Variants in NIBAN1 observed in about 807,000 individuals in gnomAD.
The protein encoded by NIBAN1 is protein Niban 1.
In NIBAN1, 81 loss-of-function variants were observed where a neutral mutation model predicts 75.1. The ratio of observed to expected loss-of-function variants is 1.08; its 90% CI spans 0.90 to 1.30. The LOEUF is 1.30. Among genes scored for constraint, NIBAN1 ranks in the 50% most tolerant of loss-of-function variants. NIBAN1 has a pLI of 0.00. For missense variants in NIBAN1, 1,133 were observed against 1,128.1 expected (o/e 1.00, Z -0.06); for synonymous variants, 436 against 424.8 (o/e 1.03, Z -0.32).
chr1:184,829,115 A>G (rs1489030212), intron 6 of NIBAN1, among the ~76,000 whole-genome samples: 2 of 152,126 alleles, frequency 1.3e-5, no homozygotes, highest in Admixed American at 6.6e-5. Flanking sequence ...GAAACTTCTT[A>G]GTGGGACACT....
At chr1:184,943,285 G>A (rs1233429560) in intron 1 of NIBAN1, among the ~76,000 whole-genome samples, 1 of 152,116 alleles carries the variant, frequency 6.6e-6, no homozygotes, top group Admixed American at 6.5e-5. Flanking sequence ...GGAAAAACAA[G>A]GGGTTTAGCC....
intron 1 of NIBAN1, among the ~76,000 whole-genome samples, chr1:184,955,650 C>T (rs200307541): frequency 6.6e-6 from 1 of 152,094 alleles, no homozygotes; most frequent in East Asian, 1.9e-4. Context: ...ACTTTTCTTA[C>T]ATAAAGAATA....
intron 1 of NIBAN1, among the ~76,000 whole-genome samples, chr1:184,911,490 C>A (rs941406511): frequency 2.6e-5 from 4 of 152,194 alleles, no homozygotes; most frequent in Admixed American, 6.5e-5. Flanking sequence ...TGAGTACCCC[C>A]TCCCTTAATC....
At chr1:184,953,754 A>G (rs994350266) in intron 1 of NIBAN1, among the ~76,000 whole-genome samples, 1 of 152,220 alleles carries the variant, frequency 6.6e-6, no homozygotes. Flanking sequence ...ATGATACCGA[A>G]GGGAGGAAAT....
At chr1:184,840,359 G>A (rs1254454843) in intron 5 of NIBAN1, among the ~76,000 whole-genome samples, 8 of 152,150 alleles carry the variant, frequency 5.3e-5, no homozygotes, top group Non-Finnish European at 1.2e-4. Flanking sequence ...CAGAAGGAGA[G>A]GAGGAATATG....
chr1:184,908,427 A>G (rs1657158126), intron 1 of NIBAN1, among the ~76,000 whole-genome samples: 1 of 152,168 alleles, frequency 6.6e-6, no homozygotes, highest in Non-Finnish European at 1.5e-5. Flanking sequence ...GAAATGGGAG[A>G]AGATGGACAG....
chr1:184,935,566 T>C (rs181360079), intron 1 of NIBAN1, among the ~76,000 whole-genome samples: 92 of 152,260 alleles, frequency 6.0e-4, no homozygotes, highest in Non-Finnish European at 2.2e-4. Context: ...TTGATCTGAT[T>C]GAGCTTGGAA....
At chr1:184,837,799 A>G (rs939213433) in intron 5 of NIBAN1, among the ~76,000 whole-genome samples, 4 of 152,222 alleles carry the variant, frequency 2.6e-5, no homozygotes, top group African/African-American at 7.2e-5. Context: ...TCAGAACAAA[A>G]TAGACAAGTT....
chr1:184,950,528 A>G (rs150234012), intron 1 of NIBAN1, among the ~76,000 whole-genome samples: 1 of 152,316 alleles, frequency 6.6e-6, no homozygotes, highest in East Asian at 1.9e-4. Context: ...CATGAAATGT[A>G]CCCAAGAACA....
At chr1:184,919,777 G>A (rs1657481950) in intron 1 of NIBAN1, among the ~76,000 whole-genome samples, 1 of 151,886 alleles carries the variant, frequency 6.6e-6, no homozygotes, top group South Asian at 2.1e-4. Flanking sequence ...TAGGTAATGA[G>A]TATAATATAT....
At chr1:184,803,841 T>C (rs1654115373) in intron 11 of NIBAN1, 149 bp from the exon 12 acceptor site, 5 of 650,542 alleles carry the variant, frequency 7.7e-6, no homozygotes, top group Non-Finnish European at 1.3e-5. Flanking sequence ...TCTTTCCATG[T>C]AATTCCCTCA....
intron 1 of NIBAN1, among the ~76,000 whole-genome samples, chr1:184,911,062 TACACAC>T (rs35550596): frequency 4.2e-5 from 6 of 144,436 alleles, no homozygotes; most frequent in South Asian, 4.4e-4. Context: ...TTATAACAAA[TACACAC>T]ACACACACAC....
At chr1:184,840,102 A>C (rs536630851) in intron 5 of NIBAN1, among the ~76,000 whole-genome samples, 3 of 152,356 alleles carry the variant, frequency 2.0e-5, no homozygotes, top group African/African-American at 7.2e-5. Context: ...TTAACAATGA[A>C]TGGTGCTCAT....
At chr1:184,905,993 T>C (rs572448901) in intron 1 of NIBAN1, among the ~76,000 whole-genome samples, 9 of 151,542 alleles carry the variant, frequency 5.9e-5, no homozygotes, top group African/African-American at 2.2e-4. Context: ...ATCCCAGCAC[T>C]TGGGGAGGCC....
In NIBAN1 at chr1:184,793,820, A is replaced by C. The variant is rs938877284; in HGVS notation, c.*1157T>G. The stretch of plus-strand genomic sequence containing the variant: ...AGTTGTTTTTCGCCATGGTATCCCC[A>C]GTGCTTGGTATATAACAGAGACTCA... On this transcript the variant is annotated 3_prime_UTR_variant, in exon 14 of 14. Coordinates refer to ENST00000367511, the MANE Select transcript of NIBAN1 (RefSeq NM_052966.4). 1 of 152,252 alleles carries C rather than the reference A, an allele frequency of 6.6e-6. No homozygotes were observed. Among genetic ancestry groups the C allele is most frequent in the Non-Finnish European group, 1.5e-5 (1 of 68,042 alleles). 9.4% of individuals were successfully genotyped at this position (152,252 alleles called of 1,614,324 possible).
intron 5 of NIBAN1, among the ~76,000 whole-genome samples, chr1:184,881,561 G>C (rs920633099): frequency 6.6e-6 from 1 of 152,184 alleles, no homozygotes; most frequent in Admixed American, 6.5e-5. Flanking sequence ...AATTCAGGGC[G>C]AGTGCACAGT....
At chr1:184,923,793 G>A (rs1226899042) in intron 1 of NIBAN1, among the ~76,000 whole-genome samples, 1 of 151,864 alleles carries the variant, frequency 6.6e-6, no homozygotes, top group Non-Finnish European at 1.5e-5. Context: ...CACTTCTTTT[G>A]GTTAATTTCT....
intron 5 of NIBAN1, among the ~76,000 whole-genome samples, chr1:184,872,506 G>A (rs574362367): frequency 1.3e-5 from 2 of 152,282 alleles, no homozygotes; most frequent in East Asian, 3.9e-4. Context: ...AGGAGTTCGA[G>A]ACCAGCCTGA....
intron 1 of NIBAN1, among the ~76,000 whole-genome samples, chr1:184,929,812 T>G (rs1424080090): frequency 6.6e-6 from 1 of 152,216 alleles, no homozygotes. Flanking sequence ...GATCAAATTA[T>G]CATGAAGTTC....
Sources: gnomAD v4.1 joint callset for allele counts (sites outside exome capture counted in the v4.1 genomes callset) on GRCh38, gnomAD v4.1.1 for gene constraint, MANE v1.5 for transcripts, NCBI Gene and HGNC (gene_info 2026-07-23, HGNC 2026-07-21) for gene names.